The following VPS13D variants were observed in gnomAD, a reference collection of about 807,000 sequenced individuals.
VPS13D encodes intermembrane lipid transfer protein VPS13D.
A neutral mutation model predicts 461.9 loss-of-function variants in VPS13D; 187 were observed. The observed-to-expected ratio is 0.40, with a 90% CI of 0.36 to 0.46. VPS13D has a LOEUF of 0.46. VPS13D is among the 20% of genes least tolerant of loss of function. The pLI is 0.60. For missense variants in VPS13D, 4,711 were observed against 5,364.9 expected (o/e 0.88, Z 3.81); for synonymous variants, 1,951 against 1,986.3 (o/e 0.98, Z 0.47).
At position 12,279,592 on chromosome 1, in the gene VPS13D, A is replaced by T. The variant is rs1268868204; in HGVS notation, c.4544A>T (p.Asp1515Val). The T allele has an allele frequency of 3.7e-6, 6 of 1,613,594 alleles. No homozygotes were observed. The highest frequency in any genetic ancestry group is 1.7e-5 in the Admixed American group (1 of 60,020). Residue 1515 changes from aspartate to valine, a missense_variant, in exon 20 of 70, where the codon GAT becomes GTT. Asp to Val is a radical substitution (Grantham distance 152, BLOSUM62 -3). Around this residue, in one of 3 missense-constraint regions of VPS13D, gnomAD observed 4,411 missense variants for 4,937.8 expected, o/e 0.89. Transcript: ENST00000620676. This position sits in a 1 kb window ranked among gnomAD's most constrained non-coding sequence, Gnocchi z 4.3. ...ESELTFSLSP[D>V]DLGTSSIMKI... ...GAATTGACTTTTTCTCTTAGCCCAG[A>T]TGACCTGGGAACTTCTAGCATCATG... is the stretch of plus-strand genomic sequence containing the variant.
In VPS13D at chr1:12,283,296, G is replaced by A. The variant is rs185759995; in HGVS notation, c.5194G>A (p.Ala1732Thr). ...GTCTCTCCCTTCCCACATGGAAGAA[G>A]CTCCTAATGTCTTCCAGTTGTATCA... The part of the protein sequence containing the change: ...PRSLPSHMEE[A>T]PNVFQLYQRP... Residue 1732 changes from alanine (A) to threonine (T), a missense_variant, in exon 21 of 70, where the codon GCT becomes ACT. This residue lies in a region of VPS13D where 4,411 missense variants were observed against 4,937.8 expected (regional missense o/e 0.89). Transcript: ENST00000620676. 6.2e-7 allele frequency: 1 copy of A among 1,614,132 alleles called. No individual in the cohort carries two copies. The highest frequency in any genetic ancestry group is 1.7e-5 in the Admixed American group (1 of 60,012).
intron 33 of VPS13D, among the ~76,000 whole-genome samples, chr1:12,322,318 A>G (rs1459527688): frequency 6.6e-6 from 1 of 152,086 alleles, no homozygotes; most frequent in Non-Finnish European, 1.5e-5. Flanking sequence ...CGCCCGCTAC[A>G]TGGTGCAGTT....
chr1:12,338,876 G>A (rs1643506924), intron 40 of VPS13D, among the ~76,000 whole-genome samples: 3 of 152,250 alleles, frequency 2.0e-5, no homozygotes, highest in South Asian at 4.1e-4. Context: ...GAAATTCACT[G>A]GTAAGTGAAT....
intron 23 of VPS13D, 103 bp downstream of exon 23, chr1:12,291,227 C>T (rs1306650792): frequency 2.3e-6 from 3 of 1,312,386 alleles, no homozygotes; most frequent in South Asian, 1.5e-5. Flanking sequence ...AAATTTTTAC[C>T]TTCTTAGAGG....
chr1:12,335,983 C>T, intron 39 of VPS13D, 156 bp downstream of exon 39: 3 of 1,114,670 alleles, frequency 2.7e-6, no homozygotes, highest in South Asian at 1.6e-5. Flanking sequence ...TTGCAGGAGA[C>T]AGTTTTCTGG....
intron 39 of VPS13D, chr1:12,336,954 T>A (rs1272954335): frequency 2.0e-5 from 3 of 152,228 alleles, no homozygotes; most frequent in African/African-American, 7.2e-5. Context: ...CATCTTCAAT[T>A]CAGAGTCAAA....
intron 65 of VPS13D, among the ~76,000 whole-genome samples, chr1:12,425,621 C>G (rs2100276061): frequency 6.6e-6 from 1 of 150,850 alleles, no homozygotes; most frequent in East Asian, 2.0e-4. Context: ...TTAACTCCTA[C>G]ATGTCGAATA....
intron 65 of VPS13D, among the ~76,000 whole-genome samples, 194 bp from the exon 66 acceptor site, chr1:12,455,804 A>T (rs1645318328): frequency 1.3e-5 from 2 of 152,104 alleles, no homozygotes; most frequent in Admixed American, 6.5e-5. Flanking sequence ...CTGTAGTCTC[A>T]GCTACTCGGG....
chr1:12,432,750 CA>C (rs1645009502), intron 65 of VPS13D, among the ~76,000 whole-genome samples: 1 of 152,032 alleles, frequency 6.6e-6, no homozygotes, highest in South Asian at 2.1e-4. Flanking sequence ...AGCACACCAC[CA>C]CACCTGGCTA....
chr1:12,258,142 G>A (rs1640978875), intron 10 of VPS13D, 39 bp downstream of exon 10: 1 of 1,604,446 alleles, frequency 6.2e-7, no homozygotes, highest in Non-Finnish European at 8.5e-7. Flanking sequence ...GTCTTATTCA[G>A]AAGATAAGAA....
At chr1:12,322,102 G>T (rs1643054540) in intron 33 of VPS13D, 138 bp downstream of exon 33, 2 of 1,113,460 alleles carry the variant, frequency 1.8e-6, no homozygotes, top group South Asian at 3.0e-5. Flanking sequence ...GTCTTGCTCT[G>T]TCGCCCAGGC....
intron 2 of VPS13D, among the ~76,000 whole-genome samples, chr1:12,235,573 C>T (rs953646974): frequency 1.3e-5 from 2 of 151,714 alleles, no homozygotes; most frequent in South Asian, 2.1e-4. Flanking sequence ...GAAACTCCAT[C>T]GCAAAAAATA....
At chr1:12,349,898 A>T (rs1028745890) in intron 46 of VPS13D, among the ~76,000 whole-genome samples, 1 of 152,230 alleles carries the variant, frequency 6.6e-6, no homozygotes, top group African/African-American at 2.4e-5. Context: ...CTGGATTGCT[A>T]TGTTACACCC....
intron 42 of VPS13D, among the ~76,000 whole-genome samples, chr1:12,343,687 A>G (rs1643617408): frequency 6.6e-6 from 1 of 152,216 alleles, no homozygotes; most frequent in Non-Finnish European, 1.5e-5. Flanking sequence ...CTTTTAAAAA[A>G]TAAAGACTTT....
intron 32 of VPS13D, among the ~76,000 whole-genome samples, chr1:12,319,869 C>A (rs529517436): frequency 1.3e-5 from 2 of 152,314 alleles, no homozygotes; most frequent in South Asian, 4.1e-4. Flanking sequence ...TCTCTTACAC[C>A]CTTTCTTCCT....
intron 37 of VPS13D, among the ~76,000 whole-genome samples, chr1:12,332,183 C>T (rs76352404): frequency 1.7e-4 from 26 of 152,292 alleles, no homozygotes; most frequent in East Asian, 1.3e-3. Flanking sequence ...TCAACAACCC[C>T]GCAATGTGTT....
Position 12,271,116 on chromosome 1 carries a change from G to A in VPS13D, c.2095G>A (p.Asp699Asn). ...AACTCTTGATCGTTTGCTAGTGGGT[G>A]ATTTCATTGTAAGTGGGCATCCATA... ...RQTLDRLLVG[D>N]FIEESKRWTV... is the part of the protein sequence containing the mutation. The change falls in exon 17 of 70, where the codon GAT becomes AAT. Residue 699 changes from aspartate (D) to asparagine (N), a missense_variant. Transcript: ENST00000620676. The A allele has an allele frequency of 6.2e-7, 1 of 1,613,988 alleles. No individual in the cohort carries two copies. Among genetic ancestry groups the A allele is most frequent in the Non-Finnish European group, 8.5e-7 (1 of 1,179,956 alleles).
At chr1:12,461,303 G>A (rs1645409898) in intron 67 of VPS13D, among the ~76,000 whole-genome samples, 1 of 152,290 alleles carries the variant, frequency 6.6e-6, no homozygotes, top group East Asian at 1.9e-4. Context: ...CAAATAGGAT[G>A]TGAAGTGAAA....
chr1:12,381,973 TC>T (rs1644285402), intron 57 of VPS13D, among the ~76,000 whole-genome samples: 1 of 143,024 alleles, frequency 7.0e-6, no homozygotes, highest in African/African-American at 2.7e-5. Flanking sequence ...TTTCTTTCTT[TC>T]TTTCTTTCTC....
Sources: allele counts gnomAD v4.1 joint callset (sites outside exome capture counted in the v4.1 genomes callset), GRCh38; gene constraint gnomAD v4.1.1; regional missense constraint gnomAD v4.1.1; non-coding constraint Gnocchi (gnomAD v3.1); transcripts MANE v1.5; gene names NCBI Gene and HGNC (gene_info 2026-07-23, HGNC 2026-07-21).